Variants in PHLDB1 observed in about 807,000 individuals in gnomAD.
The protein encoded by PHLDB1 is pleckstrin homology-like domain family B member 1.
A neutral mutation model predicts 139.3 loss-of-function variants in PHLDB1; 65 were observed. The observed-to-expected ratio is 0.47, with a 90% CI of 0.38 to 0.57. PHLDB1 has a LOEUF of 0.57. PHLDB1 is among the 20% of genes least tolerant of loss of function. The pLI is 0.00. For synonymous variants in PHLDB1, 679 were observed against 734.5 expected, an observed-to-expected ratio of 0.92 and a Z score of 1.22; for missense variants, 1,624 against 1,839.7, an observed-to-expected ratio of 0.88 and a Z score of 2.14.
At chr11:118,613,449 A>C in intron 1 of PHLDB1, 1 of 996,040 alleles carries the variant, frequency 1.0e-6, no homozygotes, top group Non-Finnish European at 1.2e-6. Context: ...TCTCCCACTA[A>C]GGTAGATTTT....
At chr11:118,622,281 C>T (rs1304744993) in intron 4 of PHLDB1, among the ~76,000 whole-genome samples, 4 of 152,172 alleles carry the variant, frequency 2.6e-5, no homozygotes, top group Non-Finnish European at 5.9e-5. Flanking sequence ...GAGGCTTCTT[C>T]CCAGAAACAG....
intron 10 of PHLDB1, 39 bp from the exon 11 acceptor site, chr11:118,638,852 G>GA (rs1234136818): frequency 2.6e-5 from 39 of 1,499,582 alleles, no homozygotes; most frequent in Non-Finnish European, 3.4e-5. Context: ...GCTCAGCCCT[G>GA]TCTCCCCAGG....
At chr11:118,644,676 A>G (rs116311224) in intron 15 of PHLDB1, 46 of 1,289,422 alleles carry the variant, frequency 3.6e-5, no homozygotes, top group East Asian at 5.6e-5. Context: ...GCCCCTCCCA[A>G]CCGACGACCC....
intron 20 of PHLDB1, chr11:118,652,990 A>T (rs1205280443): frequency 6.6e-6 from 1 of 152,384 alleles, no homozygotes; most frequent in Non-Finnish European, 1.5e-5. Context: ...TGCTGCAGGA[A>T]GGCCAAGAAA....
chr11:118,635,427 T>C lies in PHLDB1; in HGVS notation c.2414T>C (p.Phe805Ser). The C allele has an allele frequency of 6.2e-7, 1 of 1,609,866 alleles. No homozygotes were observed. Among genetic ancestry groups the C allele is most frequent in the Non-Finnish European group, 8.5e-7 (1 of 1,178,436 alleles). The change falls in exon 10 of 23, where the codon TTT (phenylalanine) becomes TCT (serine). Residue 805 changes from phenylalanine to serine, a missense_variant. Physicochemically the swap from Phe to Ser is radical, Grantham distance 155. Coordinates refer to ENST00000600882, the MANE Select transcript of PHLDB1 (RefSeq NM_001144758.3). Reference sequence around the variant, plus strand: ...GCCCTGGAGACTGAGACAAAGCTCTTTGAGGACTTGGAGTTCCAGCAGTTG... The same window carrying C: ...GCCCTGGAGACTGAGACAAAGCTCTCTGAGGACTTGGAGTTCCAGCAGTTG... ...AEALETETKL[F>S]EDLEFQQLER...
chr11:118,629,951 A>T (rs545790634), intron 6 of PHLDB1: 3 of 1,245,954 alleles, frequency 2.4e-6, no homozygotes, highest in Non-Finnish European at 3.1e-6. Flanking sequence ...TCCCACCTCA[A>T]CCAGGCTGCT....
intron 3 of PHLDB1, 105 bp downstream of exon 3, chr11:118,614,787 T>C (rs1278669211): frequency 1.7e-6 from 2 of 1,199,736 alleles, no homozygotes; most frequent in African/African-American, 3.0e-5. Context: ...TACTGTCTGC[T>C]GGTGCTCGCC....
intron 4 of PHLDB1, among the ~76,000 whole-genome samples, chr11:118,616,937 C>T (rs1490175328): frequency 3.9e-5 from 6 of 151,984 alleles, no homozygotes; most frequent in Admixed American, 2.0e-4. Context: ...CCTAGCTACT[C>T]GGGAAGCTGA....
chr11:118,620,905 AG>A lies in PHLDB1; in HGVS notation c.356-4028del, dbSNP rs1202507066. On this transcript the variant is annotated intron_variant, in intron 4 of 22. Coordinates refer to ENST00000600882, the MANE Select transcript of PHLDB1 (RefSeq NM_001144758.3). This position sits in a 1 kb window ranked among gnomAD's most constrained non-coding sequence, Gnocchi z 4.1. ...CCAGTGACCTAGCTGGATCCTGTAG[AG>A]CCCCTGCTCTTTTCCTCTCCCTCTC... 2.0e-4 allele frequency among the ~76,000 whole-genome samples: 30 copies of A among 152,258 alleles called. No homozygotes were observed. Among genetic ancestry groups the A allele is most frequent in the Middle Eastern group, 3.4e-3 (1 of 294 alleles).
At position 118,650,227 on chromosome 11, in the gene PHLDB1, A is replaced by G; in HGVS notation, c.3771+34A>G. On this transcript the variant is annotated intron_variant, in intron 19 of 22. Transcript: ENST00000600882. The surrounding 1 kb of genome is among the most constrained non-coding windows in gnomAD (Gnocchi z 4.7). ...CGTGTGTGGCCCTGGGGTGCTGGGGAGAGGGAGAATCCCGTGGTGAGAGGC... is the reference window on the plus strand; with the variant it reads ...CGTGTGTGGCCCTGGGGTGCTGGGGGGAGGGAGAATCCCGTGGTGAGAGGC... The G allele has an allele frequency of 6.6e-7, 1 of 1,514,160 alleles. No homozygotes were observed. The highest frequency in any genetic ancestry group is 9.2e-7 in the Non-Finnish European group (1 of 1,088,964). The allele number at this position is 1,514,160 out of a possible 1,614,324, so 93.8% of individuals were successfully genotyped here.
At chr11:118,643,667 CTTG>C (rs1304633981) in intron 13 of PHLDB1, 130 bp from the exon 14 acceptor site, 1 of 1,550,996 alleles carries the variant, frequency 6.4e-7, no homozygotes, top group Non-Finnish European at 8.7e-7. Flanking sequence ...GCTCAGGAGG[CTTG>C]TTGTCAGAGC....
chr11:118,625,125 A>G, intron 5 of PHLDB1, 66 bp downstream of exon 5: 2 of 1,511,404 alleles, frequency 1.3e-6, no homozygotes, highest in South Asian at 1.3e-5. Flanking sequence ...CTCCTTGCTC[A>G]CTTCAGCCAC....
In PHLDB1 at chr11:118,639,199, A is replaced by C; in HGVS notation, c.2684A>C (p.His895Pro). 1 of 1,613,858 alleles carries C rather than the reference A, an allele frequency of 6.2e-7. No individual in the cohort carries two copies. The highest frequency in any genetic ancestry group is 8.5e-7 in the Non-Finnish European group (1 of 1,179,914). ...EKLTVLERRYHSLTGGRPFPK... is the reference protein window; with the variant it reads ...EKLTVLERRYPSLTGGRPFPK... Reference sequence around the variant, plus strand: ...CTGACTGTGCTGGAAAGGAGATACCACTCACTCACAGGGGGCAGGCCTTTC... The same window carrying C: ...CTGACTGTGCTGGAAAGGAGATACCCCTCACTCACAGGGGGCAGGCCTTTC... The change falls in exon 12 of 23, where the codon CAC becomes CCC. Residue 895 changes from histidine (H) to proline (P), a missense_variant. Physicochemically the swap from His to Pro is moderately conservative, Grantham distance 77. Transcript: ENST00000600882.
chr11:118,616,860 C>T (rs1941749549), intron 4 of PHLDB1, among the ~76,000 whole-genome samples: 1 of 152,116 alleles, frequency 6.6e-6, no homozygotes, highest in African/African-American at 2.4e-5. Context: ...GCCTGGACAA[C>T]ATGGTGAAAC....
Position 118,632,432 on chromosome 11 carries a change from GAC to G in PHLDB1, c.2379+138_2379+139del, listed in dbSNP as rs1944957429. On this transcript the variant is annotated intron_variant, in intron 9 of 22. Transcript: ENST00000600882. This position sits in a 1 kb window ranked among gnomAD's most constrained non-coding sequence, Gnocchi z 5.9. The stretch of plus-strand genomic sequence containing the variant: ...CAAGTGGTCTCTGTGGCTTTCCAGA[GAC>G]AGAGTGACTTCTCCTCCTCTGTGGA... The G allele has an allele frequency of 1.1e-6, 1 of 888,920 alleles. No individual in the cohort carries two copies. Among genetic ancestry groups the G allele is most frequent in the African/African-American group, 1.7e-5 (1 of 59,996 alleles). The allele number at this position is 888,920 out of a possible 1,614,324, so 55.1% of individuals were successfully genotyped here.
Position 118,628,254 on chromosome 11 carries a change from C to T in PHLDB1, c.1431C>T (p.Thr477=). Residue 477 remains threonine, a synonymous_variant, in exon 6 of 23, where the codon ACC becomes ACT. Coordinates refer to ENST00000600882, the MANE Select transcript of PHLDB1 (RefSeq NM_001144758.3). ...RALSPLPTRT[T]PDPKLNREVA... ...TCTCCCCGCTGCCCACCCGGACCACCCCAGATCCCAAGCTAAACAGGGAAG... is the reference window on the plus strand; with the variant it reads ...TCTCCCCGCTGCCCACCCGGACCACTCCAGATCCCAAGCTAAACAGGGAAG... 1.2e-6 allele frequency: 2 copies of T among 1,614,168 alleles called. No homozygotes were observed. The highest frequency in any genetic ancestry group is 1.7e-6 in the Non-Finnish European group (2 of 1,180,028).
rs1940467430 is a variant in PHLDB1, at chr11:118,611,891, A to G, written c.-21-1925A>G. ...CTTTGCTTTCACAGAATGCCATTTA[A>G]TATAATACCTGAATTTCAGACAGTC... On this transcript the variant is annotated intron_variant, in intron 1 of 22. Coordinates refer to ENST00000600882, the MANE Select transcript of PHLDB1 (RefSeq NM_001144758.3). This position sits in a 1 kb window ranked among gnomAD's most constrained non-coding sequence, Gnocchi z 4.7. Among the ~76,000 whole-genome samples, 1 of 151,900 alleles carries G rather than the reference A, an allele frequency of 6.6e-6. No individual in the cohort carries two copies. Among genetic ancestry groups the G allele is most frequent in the South Asian group, 2.1e-4 (1 of 4,828 alleles).
At chr11:118,653,723 A>C (rs973413902) in intron 20 of PHLDB1, 16 of 152,136 alleles carry the variant, frequency 1.1e-4, no homozygotes, top group African/African-American at 3.6e-4. Flanking sequence ...TTGGGTACCT[A>C]CTGTGTGCCA....
chr11:118,635,334 TC>T, intron 9 of PHLDB1, 58 bp from the exon 10 acceptor site: 1 of 1,508,968 alleles, frequency 6.6e-7, no homozygotes, highest in Non-Finnish European at 8.9e-7. Flanking sequence ...GGCCTGGTCT[TC>T]CAGGCCCAGA....
Sources: allele counts gnomAD v4.1 joint callset (sites outside exome capture counted in the v4.1 genomes callset), GRCh38; gene constraint gnomAD v4.1.1; non-coding constraint Gnocchi (gnomAD v3.1); transcripts MANE v1.5; gene names NCBI Gene and HGNC (gene_info 2026-07-23, HGNC 2026-07-21).